Variants in AHI1 observed in about 807,000 individuals in gnomAD.
The protein encoded by AHI1 is jouberin.
A neutral mutation model predicts 149.3 loss-of-function variants in AHI1; 123 were observed. The ratio of observed to expected loss-of-function variants is 0.82; its 90% CI spans 0.71 to 0.96. The LOEUF (loss-of-function observed/expected upper bound fraction) is 0.96. Among genes scored for constraint, AHI1 ranks in the 40% least tolerant of loss-of-function variants. The pLI, the probability that AHI1 is intolerant of heterozygous loss-of-function variation, is 0.00. For synonymous variants in AHI1, 475 were observed against 459.8 expected (o/e 1.03, Z -0.42); for missense variants, 1,439 against 1,422.7 (o/e 1.01, Z -0.18).
At chr6:135,352,417 C>A (rs926495636) in intron 24 of AHI1, among the ~76,000 whole-genome samples, 1 of 152,078 alleles carries the variant, frequency 6.6e-6, no homozygotes, top group Non-Finnish European at 1.5e-5. Flanking sequence ...CACTGTTACT[C>A]TGGTCTAGCA....
intron 23 of AHI1, among the ~76,000 whole-genome samples, chr6:135,374,737 T>C (rs1562609294): frequency 6.6e-6 from 1 of 152,152 alleles, no homozygotes; most frequent in Admixed American, 6.5e-5. Flanking sequence ...TAAAACAGTA[T>C]GAAGAACACC....
chr6:135,443,286 T>C (rs984154042), intron 13 of AHI1, among the ~76,000 whole-genome samples: 1 of 152,208 alleles, frequency 6.6e-6, no homozygotes, highest in Non-Finnish European at 1.5e-5. Flanking sequence ...TTTCACCCTC[T>C]TCTACCAGAT....
At chr6:135,434,670 T>A (rs1785141522) in intron 15 of AHI1, among the ~76,000 whole-genome samples, 1 of 151,816 alleles carries the variant, frequency 6.6e-6, no homozygotes, top group African/African-American at 2.4e-5. Context: ...CATGGTAGAA[T>A]CTGAGATTAA....
intron 26 of AHI1, among the ~76,000 whole-genome samples, chr6:135,316,286 T>C (rs1469576394): frequency 2.0e-5 from 3 of 152,170 alleles, no homozygotes; most frequent in African/African-American, 7.2e-5. Flanking sequence ...ATCTGTCCAT[T>C]ATTTAAAAAA....
At chr6:135,361,819 CT>C (rs1160511149) in intron 23 of AHI1, among the ~76,000 whole-genome samples, 3 of 151,868 alleles carry the variant, frequency 2.0e-5, no homozygotes, top group African/African-American at 7.2e-5. Context: ...TTTTGCTAAG[CT>C]TTTAAATTTT....
intron 13 of AHI1, among the ~76,000 whole-genome samples, chr6:135,445,828 A>G (rs1243195871): frequency 6.6e-6 from 1 of 152,094 alleles, no homozygotes; most frequent in Non-Finnish European, 1.5e-5. Context: ...AGGCTGAGGC[A>G]GGCGGATCAC....
At chr6:135,392,330 A>G (rs968983162) in intron 23 of AHI1, among the ~76,000 whole-genome samples, 11 of 152,246 alleles carry the variant, frequency 7.2e-5, no homozygotes, top group African/African-American at 2.7e-4. Context: ...TTACTTTTCT[A>G]GCAGTCTCCG....
At chr6:135,369,344 C>T (rs1197288779) in intron 23 of AHI1, among the ~76,000 whole-genome samples, 1 of 152,190 alleles carries the variant, frequency 6.6e-6, no homozygotes, top group Non-Finnish European at 1.5e-5. Flanking sequence ...GGTAGTAGTT[C>T]TTGGAGCAAA....
In AHI1 at chr6:135,465,835, A is replaced by C. The variant is rs1218779535; in HGVS notation, c.728T>G (p.Val243Gly). Reference protein sequence around the residue: ...EKRKKKKEVPVFSKAETSTLT... With the variant: ...EKRKKKKEVPGFSKAETSTLT... ...ATACCTTGTTTCAGCTTTAGAGAAGACTGGAACTTCCTTTTTCTTTTTCCT... is the reference window on the plus strand; with the variant it reads ...ATACCTTGTTTCAGCTTTAGAGAAGCCTGGAACTTCCTTTTTCTTTTTCCT... The change falls in exon 7 of 29, where the codon GTC becomes GGC. Residue 243 changes from valine to glycine, a missense_variant. By Grantham distance (109) the Val-to-Gly change is moderately radical. Coordinates refer to ENST00000265602, the MANE Select transcript of AHI1 (RefSeq NM_001134831.2). 5.4e-6 allele frequency: 8 copies of C among 1,479,968 alleles called. No homozygotes were observed. Among genetic ancestry groups the C allele is most frequent in the Non-Finnish European group, 7.1e-6 (8 of 1,119,402 alleles). The allele number at this position is 1,479,968 out of a possible 1,614,324, so 91.7% of individuals were successfully genotyped here.
chr6:135,429,394 C>T (rs1267624557), intron 18 of AHI1, among the ~76,000 whole-genome samples: 4 of 151,530 alleles, frequency 2.6e-5, no homozygotes, highest in Non-Finnish European at 5.9e-5. Context: ...ACACTGCTTC[C>T]ACCTTTTTCA....
chr6:135,296,633 C>T (rs1562451140), intron 27 of AHI1, among the ~76,000 whole-genome samples: 1 of 152,224 alleles, frequency 6.6e-6, no homozygotes. Context: ...CCACTTTTCT[C>T]AGGCCTTCTC....
rs781305051 is a variant in AHI1 at position 135,427,227 on chromosome 6, C to T, written c.2704G>A (p.Val902Ile). The change falls in exon 20 of 29, where the codon GTT (valine) becomes ATT (isoleucine). Residue 902 changes from valine to isoleucine, a missense_variant. By Grantham distance (29) the Val-to-Ile change is conservative. Transcript: ENST00000265602. ...TTTTGCCCAAATGCACAGAATGCAA[C>T]CATATTTTCAAATGGATGATAAGAA... is the stretch of plus-strand genomic sequence containing the variant. ...DISYHPFENMVAFCAFGQNEP... is the reference protein window; with the variant it reads ...DISYHPFENMIAFCAFGQNEP... The T allele has an allele frequency of 1.2e-6, 2 of 1,610,578 alleles. No individual in the cohort carries two copies. Among genetic ancestry groups the T allele is most frequent in the Non-Finnish European group, 1.7e-6 (2 of 1,177,780 alleles).
chr6:135,409,731 T>TA (rs1781318810), intron 21 of AHI1, among the ~76,000 whole-genome samples: 1 of 152,218 alleles, frequency 6.6e-6, no homozygotes, highest in African/African-American at 2.4e-5. Context: ...GATTTTTCTT[T>TA]AAGAAATCTT....
intron 5 of AHI1, among the ~76,000 whole-genome samples, chr6:135,486,598 G>A (rs546399443): frequency 6.8e-4 from 104 of 151,986 alleles, no homozygotes; most frequent in African/African-American, 2.5e-3. Context: ...TTTATATAGA[G>A]TTTTTTGTTC....
chr6:135,364,147 T>C (rs1447190213), intron 23 of AHI1, among the ~76,000 whole-genome samples: 4 of 149,276 alleles, frequency 2.7e-5, no homozygotes, highest in Admixed American at 6.6e-5. Context: ...GGGTGGCTGC[T>C]GGGCGGAGGG....
intron 5 of AHI1, among the ~76,000 whole-genome samples, chr6:135,477,494 C>A (rs186021252): frequency 6.6e-6 from 1 of 152,276 alleles, no homozygotes. Flanking sequence ...TGGTTTGGCT[C>A]TGTGTCTCCA....
intron 5 of AHI1, among the ~76,000 whole-genome samples, chr6:135,488,963 G>A (rs1022346128): frequency 9.2e-5 from 14 of 152,080 alleles, no homozygotes; most frequent in Non-Finnish European, 1.5e-4. Flanking sequence ...CTCCTGTACA[G>A]AAATAAAACC....
intron 24 of AHI1, among the ~76,000 whole-genome samples, chr6:135,328,023 T>C (rs1020636537): frequency 2.6e-5 from 4 of 151,838 alleles, no homozygotes; most frequent in Non-Finnish European, 4.4e-5. Flanking sequence ...GAAGAGGGGG[T>C]TGTGGGAACC....
chr6:135,296,054 C>T (rs1489166928), intron 27 of AHI1, among the ~76,000 whole-genome samples: 1 of 152,090 alleles, frequency 6.6e-6, no homozygotes, highest in Non-Finnish European at 1.5e-5. Flanking sequence ...AAAGTTTCAC[C>T]ATGTTGGCCA....
Sources: allele counts gnomAD v4.1 joint callset (sites outside exome capture counted in the v4.1 genomes callset), GRCh38; gene constraint gnomAD v4.1.1; transcripts MANE v1.5; gene names NCBI Gene and HGNC (gene_info 2026-07-23, HGNC 2026-07-21).